C16orf96: variants seen among roughly 807,000 people sequenced by gnomAD.
The protein encoded by C16orf96 is chromosome 16 open reading frame 96, also known as uncharacterized protein C16orf96.
Under a neutral mutation model 103.6 loss-of-function variants are expected in C16orf96, and 108 were observed. That is an observed-to-expected ratio of 1.04 (90% confidence interval 0.89 to 1.22). C16orf96 has a LOEUF of 1.22. C16orf96 is among the 50% of genes most tolerant of loss of function. The probability of loss-of-function intolerance (pLI) is 0.00; values close to 1 mark genes in which losing one functional copy is unlikely to be tolerated. For missense variants in C16orf96, 1,586 were observed against 1,464.2 expected, an observed-to-expected ratio of 1.08 and a Z score of -1.36; for synonymous variants, 566 against 593.5, an observed-to-expected ratio of 0.95 and a Z score of 0.67.
At chr16:4,599,989 G>A (rs1897249705) in intron 15 of C16orf96, 111 bp from the exon 16 acceptor site, 1 of 1,117,536 alleles carries the variant, frequency 8.9e-7, no homozygotes, top group Non-Finnish European at 1.3e-6. Context: ...GGCCTGTACA[G>A]CACTTCTAGT....
At chr16:4,579,300 C>T (rs1350910152) in intron 6 of C16orf96, among the ~76,000 whole-genome samples, 3 of 152,086 alleles carry the variant, frequency 2.0e-5, no homozygotes, top group Non-Finnish European at 4.4e-5. Flanking sequence ...TACCTGTAAT[C>T]CCAACGCTTT....
the C16orf96 span, among the ~76,000 whole-genome samples, chr16:4,548,192 C>G: frequency 6.6e-6 from 1 of 152,250 alleles, no homozygotes; most frequent in Non-Finnish European, 1.5e-5. Flanking sequence ...CCTCATGTTC[C>G]TGCCTCACTC....
At chr16:4,598,570 T>G (rs933007567) in intron 14 of C16orf96, among the ~76,000 whole-genome samples, 8 of 152,006 alleles carry the variant, frequency 5.3e-5, no homozygotes, top group Admixed American at 5.2e-4. Context: ...CTCTGAATTG[T>G]GCACTTTAAA....
chr16:4,570,780 G>A (rs1245956402), intron 1 of C16orf96, among the ~76,000 whole-genome samples: 1 of 152,040 alleles, frequency 6.6e-6, no homozygotes, highest in East Asian at 1.9e-4. Context: ...ACACACTTCT[G>A]ACACCAGATG....
rs780941930 is a variant in C16orf96 at position 4,578,135 on chromosome 16, T to A, written c.2156-805T>A. On this transcript the variant is annotated intron_variant, in intron 5 of 15. Coordinates refer to ENST00000444310, the MANE Select transcript of C16orf96 (RefSeq NM_001145011.2). ...CATACAAACAAAATTTAAAAAAAAA[T>A]TTTTTTAATTATTGTTATTATTTTT... is the stretch of plus-strand genomic sequence containing the variant. Among the ~76,000 whole-genome samples, 1,000 of 151,292 alleles carry A rather than the reference T, an allele frequency of 6.6e-3. 8 individuals are homozygous for A. The highest frequency in any genetic ancestry group is 0.054 in the Middle Eastern group (16 of 294).
At chr16:4,555,269 TACACACAC>T (rs71139639), upstream of C16orf96, among the ~76,000 whole-genome samples, 57,025 of 145,302 alleles carry the variant, frequency 0.39, 11,889 homozygotes, top group Middle Eastern at 0.49. Context: ...TCACACACAC[TACACACAC>T]ACACACACAC....
chr16:4,596,194 G>A (rs1319552924), intron 14 of C16orf96, among the ~76,000 whole-genome samples: 4 of 152,054 alleles, frequency 2.6e-5, no homozygotes, highest in Admixed American at 6.6e-5. Context: ...CATGTAGCAC[G>A]CCGTCCCATT....
intron 2 of C16orf96, 64 bp from the exon 3 acceptor site, chr16:4,574,645 C>A (rs115725096): frequency 6.7e-6 from 9 of 1,346,508 alleles, no homozygotes; most frequent in East Asian, 2.5e-5. Flanking sequence ...CCTAGAGCCA[C>A]GGGAAAAGGC....
At chr16:4,542,807 T>C in the C16orf96 span, among the ~76,000 whole-genome samples, 1 of 151,894 alleles carries the variant, frequency 6.6e-6, no homozygotes, top group African/African-American at 2.4e-5. Context: ...AAAAAAAAAA[T>C]TATCAATGAT....
At chr16:4,562,156 G>T (rs1055818829) in intron 1 of C16orf96, among the ~76,000 whole-genome samples, 3 of 152,112 alleles carry the variant, frequency 2.0e-5, no homozygotes, top group Non-Finnish European at 4.4e-5. Flanking sequence ...TGCCAATGGG[G>T]AATCAGTTCT....
intron 9 of C16orf96, among the ~76,000 whole-genome samples, chr16:4,591,132 A>G (rs1343135614): frequency 6.6e-6 from 1 of 152,208 alleles, no homozygotes; most frequent in East Asian, 1.9e-4. Context: ...GGTTGCAGTG[A>G]GCAGAGATTG....
the C16orf96 span, among the ~76,000 whole-genome samples, chr16:4,539,480 T>C: frequency 6.6e-6 from 1 of 152,158 alleles, no homozygotes; most frequent in African/African-American, 2.4e-5. Context: ...GGTCAGGAGT[T>C]TGAGACCAGC....
At chr16:4,586,935 C>A in intron 7 of C16orf96, 104 bp from the exon 8 acceptor site, 1 of 1,048,744 alleles carries the variant, frequency 9.5e-7, no homozygotes, top group Non-Finnish European at 1.4e-6. Context: ...GTCCACACGG[C>A]CTGCTATCCC....
At chr16:4,591,442 G>C (rs1897056933) in intron 9 of C16orf96, among the ~76,000 whole-genome samples, 1 of 151,996 alleles carries the variant, frequency 6.6e-6, no homozygotes, top group African/African-American at 2.4e-5. Context: ...TTTTGCTTCT[G>C]CTGCTAGGAA....
chr16:4,574,203 G>A (rs1596523963), intron 2 of C16orf96, among the ~76,000 whole-genome samples: 1 of 151,550 alleles, frequency 6.6e-6, no homozygotes, highest in African/African-American at 2.4e-5. Flanking sequence ...GAAACCTGTT[G>A]AAATGTTTTT....
chr16:4,579,047 C>G lies in C16orf96; in HGVS notation c.2241+22C>G, dbSNP rs527901482. 1.6e-5 allele frequency: 24 copies of G among 1,547,758 alleles called. No homozygotes were observed. In the South Asian group the frequency reaches 2.7e-4, roughly 18 times the overall value. On this transcript the variant is annotated intron_variant, in intron 6 of 15. Transcript: ENST00000444310. ...CAAGGTTAGTGTCTCCGGCGAAGGG[C>G]TTTTGAGGCAGTGATGGCTTGAGGT... is the stretch of plus-strand genomic sequence containing the variant.
chr16:4,541,490 C>G, the C16orf96 span, among the ~76,000 whole-genome samples: 1 of 152,222 alleles, frequency 6.6e-6, no homozygotes, highest in Admixed American at 6.5e-5. Context: ...GGGAGGATCC[C>G]TTCAGCCCAG....
At chr16:4,567,881 A>G (rs1283293650) in intron 1 of C16orf96, among the ~76,000 whole-genome samples, 1 of 151,350 alleles carries the variant, frequency 6.6e-6, no homozygotes, top group African/African-American at 2.4e-5. Context: ...TATTTTTAGT[A>G]GAGATGGGGT....
chr16:4,593,368 T>G lies in C16orf96; in HGVS notation c.2867+52T>G. 2 of 1,490,308 alleles carry G rather than the reference T, an allele frequency of 1.3e-6. No individual in the cohort carries two copies. The highest frequency in any genetic ancestry group is 9.1e-7 in the Non-Finnish European group (1 of 1,097,454). 92.3% of individuals were successfully genotyped at this position (1,490,308 alleles called of 1,614,324 possible). A position where few individuals can be genotyped will look rare whatever the true frequency, so the allele number is the denominator to read the frequency against. ...AGGCCGCCCCGCATGGAGGCCACTC[T>G]GGAGCCTGGGAACCCTGTTCCTGCA... is the stretch of plus-strand genomic sequence containing the variant. On this transcript the variant is annotated intron_variant, in intron 12 of 15. Coordinates refer to ENST00000444310, the MANE Select transcript of C16orf96 (RefSeq NM_001145011.2). This position sits in a 1 kb window ranked among gnomAD's most constrained non-coding sequence, Gnocchi z 4.2.
Sources: allele counts gnomAD v4.1 joint callset (sites outside exome capture counted in the v4.1 genomes callset), GRCh38; gene constraint gnomAD v4.1.1; non-coding constraint Gnocchi (gnomAD v3.1); transcripts MANE v1.5; gene names NCBI Gene and HGNC (gene_info 2026-07-23, HGNC 2026-07-21).